The following KCTD14 variants were observed in gnomAD, a reference collection of about 807,000 sequenced individuals.
KCTD14 encodes the protein BTB/POZ domain-containing protein KCTD14.
In KCTD14, 7 loss-of-function variants were observed where a neutral mutation model predicts 5.9. The observed-to-expected ratio is 1.19, with a 90% CI of 0.68 to 2.23. KCTD14 has a LOEUF of 2.23. Ranked by LOEUF, KCTD14 falls within the 30% of genes most tolerant of loss-of-function variation. KCTD14 has a pLI of 0.00. For synonymous variants in KCTD14, 140 were observed against 133.1 expected (o/e 1.05, Z -0.36); for missense variants, 342 against 332.2 (o/e 1.03, Z -0.23).
upstream of KCTD14, among the ~76,000 whole-genome samples, chr11:78,024,940 C>T (rs559838264): frequency 6.0e-5 from 9 of 151,018 alleles, no homozygotes; most frequent in East Asian, 1.8e-3. Context: ...AGTGTAATCC[C>T]ATCTCAAAAA....
At chr11:78,033,152 G>T (rs1335200728) in intron 2 of KCTD14, among the ~76,000 whole-genome samples, 1 of 152,136 alleles carries the variant, frequency 6.6e-6, no homozygotes, top group East Asian at 1.9e-4. Flanking sequence ...CCCTTGAAAG[G>T]CATGAGGTAC....
At chr11:78,017,372 T>TA (rs2136700488) in intron 1 of KCTD14, 102 bp from the exon 2 acceptor site, 1 of 1,390,376 alleles carries the variant, frequency 7.2e-7, no homozygotes, top group Non-Finnish European at 9.5e-7. Flanking sequence ...AGGGGAGCCA[T>TA]AATGATTGGC....
At chr11:78,019,484 T>G (rs1471316222) in intron 1 of KCTD14, among the ~76,000 whole-genome samples, 1 of 152,040 alleles carries the variant, frequency 6.6e-6, no homozygotes, top group Non-Finnish European at 1.5e-5. Context: ...CATCTGGTTA[T>G]GTAAAAAAAT....
chr11:78,038,424 G>T (rs1270582094), intron 2 of KCTD14, among the ~76,000 whole-genome samples: 1 of 152,166 alleles, frequency 6.6e-6, no homozygotes, highest in Non-Finnish European at 1.5e-5. Context: ...AACAATTATT[G>T]TTTACCAACT....
upstream of KCTD14, among the ~76,000 whole-genome samples, chr11:78,028,182 G>C (rs12790412): frequency 0.34 from 52,261 of 151,890 alleles, 9,226 homozygotes; most frequent in South Asian, 0.44. Context: ...CATAACCTCA[G>C]TTCAATCATG....
rs747037594 is a variant in KCTD14 at position 78,017,097 on chromosome 11, G to A, written c.264C>T (p.Pro88=). 15 of 1,614,084 alleles carry A rather than the reference G, an allele frequency of 9.3e-6. No homozygotes were observed. The highest frequency in any genetic ancestry group is 1.3e-5 in the African/African-American group (1 of 74,930). ...GCCCAGTGCGCAGGTAGTCCAGGATGGGTCTGAAATAGGTGCTGGGGCGGT... is the reference window on the plus strand; with the variant it reads ...GCCCAGTGCGCAGGTAGTCCAGGATAGGTCTGAAATAGGTGCTGGGGCGGT... ...FIDRPSTYFR[P]ILDYLRTGQV... is the part of the protein sequence containing the mutation. The change falls in exon 2 of 2, where the codon CCC becomes CCT. Residue 88 remains proline, a synonymous_variant. Transcript: ENST00000353172.
chr11:78,028,734 A>G (rs1457942901), intron 2 of KCTD14, among the ~76,000 whole-genome samples: 1 of 152,086 alleles, frequency 6.6e-6, no homozygotes, highest in Non-Finnish European at 1.5e-5. Context: ...TGAGCCCAGG[A>G]GTTTGAGACT....
intron 2 of KCTD14, among the ~76,000 whole-genome samples, chr11:78,033,570 T>G (rs548707324): frequency 2.0e-4 from 31 of 151,774 alleles, no homozygotes; most frequent in African/African-American, 6.8e-4. Flanking sequence ...TAGTCCCAGC[T>G]ACTCAGGAAG....
upstream of KCTD14, among the ~76,000 whole-genome samples, chr11:78,024,424 ACAC>A (rs1857394922): frequency 1.6e-5 from 1 of 62,764 alleles, no homozygotes; most frequent in African/African-American, 4.2e-5. Context: ...ACACACACAC[ACAC>A]ACACACACAC....
intron 2 of KCTD14, among the ~76,000 whole-genome samples, chr11:78,029,248 A>G (rs1198170459): frequency 6.6e-6 from 1 of 152,006 alleles, no homozygotes; most frequent in Non-Finnish European, 1.5e-5. Flanking sequence ...CGGCTTAGAA[A>G]TCCTGAAGTC....
Position 78,016,869 on chromosome 11 carries a change from C to G in KCTD14, c.492G>C (p.Arg164=). The G allele has an allele frequency of 6.2e-7, 1 of 1,614,242 alleles. No homozygotes were observed. The change falls in exon 2 of 2, where the codon CGG becomes CGC. Residue 164 remains arginine (R), a synonymous_variant. Transcript: ENST00000353172. ...RLARAEAITA[R]KSSVLVCLVE... is the part of the protein sequence containing the mutation. ...CCAGGCACACAAGCACGCTGGACTT[C>G]CGTGCTGTTATGGCTTCTGCACGTG...
intron 2 of KCTD14, among the ~76,000 whole-genome samples, chr11:78,034,555 T>G (rs2136745153): frequency 6.6e-6 from 1 of 152,184 alleles, no homozygotes; most frequent in South Asian, 2.1e-4. Context: ...TTTCAAGTCA[T>G]GTGTGGAGGA....
Position 78,021,496 on chromosome 11 carries a change from G to A in KCTD14, c.90+1664C>T, listed in dbSNP as rs557873536. The stretch of plus-strand genomic sequence containing the variant: ...TGCAGTGGTACAATCTCGGCTCACT[G>A]CAACCCCCACCTCTTAGGCTCAAGC... On this transcript the variant is annotated intron_variant, in intron 1 of 1. Coordinates refer to ENST00000353172, the MANE Select transcript of KCTD14 (RefSeq NM_023930.4). Among the ~76,000 whole-genome samples the A allele has an allele frequency of 4.0e-5, 6 of 151,552 alleles. No homozygotes were observed. In the South Asian group the frequency reaches 1.3e-3, roughly 32 times the overall value.
At position 78,016,436 on chromosome 11, in the gene KCTD14, G is replaced by T; in HGVS notation, c.*157C>A. 1 of 647,672 alleles carries T rather than the reference G, an allele frequency of 1.5e-6. No homozygotes were observed. Among genetic ancestry groups the T allele is most frequent in the Non-Finnish European group, 2.6e-6 (1 of 380,044 alleles). 40.1% of individuals were successfully genotyped at this position (647,672 alleles called of 1,614,324 possible). ...TAGTGGCATCAGTTGCAATGGAGTGGAAAGTCCTTAAACGAGTGATCAATA... is the reference window on the plus strand; with the variant it reads ...TAGTGGCATCAGTTGCAATGGAGTGTAAAGTCCTTAAACGAGTGATCAATA... On this transcript the variant is annotated 3_prime_UTR_variant, in exon 2 of 2. Coordinates refer to ENST00000353172, the MANE Select transcript of KCTD14 (RefSeq NM_023930.4).
At chr11:78,037,435 G>A (rs1327744865) in intron 2 of KCTD14, among the ~76,000 whole-genome samples, 1 of 152,154 alleles carries the variant, frequency 6.6e-6, no homozygotes, top group Non-Finnish European at 1.5e-5. Flanking sequence ...TGAGCACCAG[G>A]GACTGGTGCA....
At chr11:78,032,378 C>CA (rs11379598) in intron 2 of KCTD14, among the ~76,000 whole-genome samples, 29,933 of 152,222 alleles carry the variant, frequency 0.2, 3,242 homozygotes, top group Admixed American at 0.32. Context: ...ATGCCTCTTG[C>CA]AAGGCACAGG....
intron 1 of KCTD14, among the ~76,000 whole-genome samples, chr11:78,045,828 C>G (rs1858119209): frequency 6.6e-6 from 1 of 152,110 alleles, no homozygotes; most frequent in African/African-American, 2.4e-5. Flanking sequence ...CCCAAAAGCC[C>G]AGAGTACTCA....
At chr11:78,033,901 G>GTGTATATATATATATATATATATATATA in intron 2 of KCTD14, among the ~76,000 whole-genome samples, 1 of 115,604 alleles carries the variant, frequency 8.7e-6, no homozygotes. Flanking sequence ...GTGTGTGTGT[G>GTGTATATATATATATATATATATATATA]TATATATATA....
At chr11:78,023,023 T>G (rs989707333) in intron 1 of KCTD14, 137 bp downstream of exon 1, 11 of 601,064 alleles carry the variant, frequency 1.8e-5, no homozygotes, top group Non-Finnish European at 2.9e-5. Context: ...CAGCCCGAGG[T>G]GAAGGGGGAC....
Sources: gnomAD v4.1 joint callset for allele counts (sites outside exome capture counted in the v4.1 genomes callset) on GRCh38, gnomAD v4.1.1 for gene constraint, MANE v1.5 for transcripts, NCBI Gene and HGNC (gene_info 2026-07-23, HGNC 2026-07-21) for gene names.